SPECC1: variants seen among roughly 807,000 people sequenced by gnomAD.
SPECC1 encodes the protein cytospin-B.
Under a neutral mutation model 104.1 loss-of-function variants are expected in SPECC1, and 62 were observed. The ratio of observed to expected loss-of-function variants is 0.60; its 90% CI spans 0.49 to 0.74. SPECC1 has a LOEUF of 0.74. SPECC1 is among the 30% of genes least tolerant of loss of function. The pLI is 0.00. For missense variants in SPECC1, 1,306 were observed against 1,310.5 expected, an observed-to-expected ratio of 1.00 and a Z score of 0.05; for synonymous variants, 513 against 501.6, an observed-to-expected ratio of 1.02 and a Z score of -0.30.
At chr17:20,099,511 CAAAAAAA>C (rs56285234) in intron 2 of SPECC1, among the ~76,000 whole-genome samples, 1,156 of 91,770 alleles carry the variant, frequency 0.013, 13 homozygotes, top group Non-Finnish European at 0.017. Flanking sequence ...TGTCTTTACC[CAAAAAAA>C]AAAAAAAAAA....
intron 1 of SPECC1, among the ~76,000 whole-genome samples, chr17:20,043,622 C>G (rs1300557848): frequency 6.6e-6 from 1 of 152,154 alleles, no homozygotes; most frequent in Non-Finnish European, 1.5e-5. Flanking sequence ...TAACATGACT[C>G]TGTTAATCTT....
At chr17:20,156,196 C>T in intron 3 of SPECC1, 1 of 1,446,774 alleles carries the variant, frequency 6.9e-7, no homozygotes, top group South Asian at 1.4e-5. Flanking sequence ...GTCGGCCAAG[C>T]ATGGGCAACC....
In SPECC1 at chr17:20,047,498, A is replaced by G. The variant is rs1413632763; in HGVS notation, c.-22+38074A>G. The stretch of plus-strand genomic sequence containing the variant: ...TAGATTCAGTTACTCAATTTCAGGA[A>G]AGTTTTCCGGTGTTATATCTTAAAT... On this transcript the variant is annotated intron_variant, in intron 1 of 14. Transcript: ENST00000395527. Among the ~76,000 whole-genome samples the G allele has an allele frequency of 4.6e-5, 7 of 152,160 alleles. No individual in the cohort carries two copies. In the East Asian group the frequency reaches 1.2e-3, roughly 25 times the overall value.
At chr17:20,247,353 G>A (rs371156460) in intron 9 of SPECC1, 34 bp downstream of exon 9, 4 of 1,493,282 alleles carry the variant, frequency 2.7e-6, no homozygotes, top group Non-Finnish European at 3.7e-6. Context: ...ACTGCTTATG[G>A]TTTGCTGTGT....
At chr17:20,271,572 T>A (rs1022687925) in intron 12 of SPECC1, among the ~76,000 whole-genome samples, 6 of 152,128 alleles carry the variant, frequency 3.9e-5, no homozygotes, top group Non-Finnish European at 5.9e-5. Context: ...CCGCAACTCT[T>A]CATGAGATAT....
intron 7 of SPECC1, among the ~76,000 whole-genome samples, chr17:20,244,054 TA>T (rs796283399): frequency 2.9e-3 from 410 of 142,856 alleles, no homozygotes; most frequent in Middle Eastern, 3.6e-3. Flanking sequence ...CCATCTCTAC[TA>T]AAAAAAAAAA....
intron 3 of SPECC1, among the ~76,000 whole-genome samples, chr17:20,139,766 C>G (rs1426135340): frequency 6.6e-6 from 1 of 152,144 alleles, no homozygotes; most frequent in African/African-American, 2.4e-5. Context: ...CCTCCGCCTC[C>G]CCGGTTCAAG....
intron 1 of SPECC1, among the ~76,000 whole-genome samples, chr17:20,050,765 A>G (rs1567812992): frequency 6.6e-6 from 1 of 152,230 alleles, no homozygotes; most frequent in Non-Finnish European, 1.5e-5. Flanking sequence ...GTATATTAAC[A>G]TGAACTGGCC....
intron 3 of SPECC1, 130 bp downstream of exon 3, chr17:20,110,692 C>A: frequency 8.9e-7 from 1 of 1,124,362 alleles, no homozygotes; most frequent in Non-Finnish European, 1.2e-6. Flanking sequence ...TGGGCCGGAA[C>A]TGTTTTAGGC....
intron 10 of SPECC1, among the ~76,000 whole-genome samples, chr17:20,257,016 T>G (rs1292032197): frequency 6.6e-6 from 1 of 152,246 alleles, no homozygotes; most frequent in Non-Finnish European, 1.5e-5. Flanking sequence ...TCTTGTCAAG[T>G]AGTTCTTCTT....
At chr17:20,056,396 G>A (rs1408862604) in intron 1 of SPECC1, 1 of 187,062 alleles carries the variant, frequency 5.3e-6, no homozygotes, top group East Asian at 1.3e-4. Context: ...AAGGACTGGC[G>A]TCCGGAGAAG....
At chr17:20,277,107 CAG>C (rs1370481444) in intron 12 of SPECC1, among the ~76,000 whole-genome samples, 1 of 152,198 alleles carries the variant, frequency 6.6e-6, no homozygotes, top group African/African-American at 2.4e-5. Flanking sequence ...GCAAGATGGA[CAG>C]AGAGGGACAG....
intron 1 of SPECC1, among the ~76,000 whole-genome samples, chr17:20,086,737 G>A (rs2047193201): frequency 6.6e-6 from 1 of 152,170 alleles, no homozygotes; most frequent in Non-Finnish European, 1.5e-5. Flanking sequence ...TCGTTATGGA[G>A]GGTCCCTTTT....
rs2042002393 is a variant in SPECC1 at position 20,314,148 on chromosome 17, T to C, written c.*83T>C. 8.5e-7 allele frequency: 1 copy of C among 1,182,100 alleles called. No individual in the cohort carries two copies. Among genetic ancestry groups the C allele is most frequent in the Non-Finnish European group, 1.2e-6 (1 of 810,668 alleles). 73.2% of individuals were successfully genotyped at this position (1,182,100 alleles called of 1,614,324 possible). A position where few individuals can be genotyped will look rare whatever the true frequency, so the allele number is the denominator to read the frequency against. ...CCTGATTACTGTCCACTGACCCTGC[T>C]CTGCCCACCACCCAGCTGCCTAGAC... On this transcript the variant is annotated 3_prime_UTR_variant, in exon 15 of 15. Transcript: ENST00000395527.
intron 3 of SPECC1, among the ~76,000 whole-genome samples, chr17:20,170,440 C>A (rs1166248631): frequency 6.6e-6 from 1 of 152,144 alleles, no homozygotes. Flanking sequence ...GTACCACAAA[C>A]TTCCAGAAAG....
chr17:20,052,311 T>C (rs1266165814), intron 1 of SPECC1, among the ~76,000 whole-genome samples: 1 of 152,206 alleles, frequency 6.6e-6, no homozygotes, highest in African/African-American at 2.4e-5. Flanking sequence ...TAGTTTAATG[T>C]TCATCTACAG....
intron 1 of SPECC1, among the ~76,000 whole-genome samples, chr17:20,083,926 C>A (rs1319824998): frequency 6.6e-6 from 1 of 152,118 alleles, no homozygotes; most frequent in Non-Finnish European, 1.5e-5. Context: ...TTTAGCCATT[C>A]TAGTAGGTGT....
At chr17:20,238,164 A>C in intron 7 of SPECC1, 1 of 1,033,262 alleles carries the variant, frequency 9.7e-7, no homozygotes, top group Non-Finnish European at 1.2e-6. Context: ...ACATAAGTAG[A>C]AGTTTGATCA....
chr17:20,092,658 G>A (rs778179187), intron 1 of SPECC1, among the ~76,000 whole-genome samples: 6 of 152,172 alleles, frequency 3.9e-5, no homozygotes, highest in East Asian at 1.9e-4. Context: ...GCAGAGCAGC[G>A]CTCCGTTGAA....
Sources: gnomAD v4.1 joint callset for allele counts (sites outside exome capture counted in the v4.1 genomes callset) on GRCh38, gnomAD v4.1.1 for gene constraint, MANE v1.5 for transcripts, NCBI Gene and HGNC (gene_info 2026-07-23, HGNC 2026-07-21) for gene names.